MINK1: variants seen among roughly 807,000 people sequenced by gnomAD.
MINK1 encodes misshapen-like kinase 1.
In MINK1, 46 loss-of-function variants were observed where a neutral mutation model predicts 178.4. The ratio of observed to expected loss-of-function variants is 0.26; its 90% CI spans 0.20 to 0.33. MINK1 has a LOEUF of 0.33. Among genes scored for constraint, MINK1 ranks in the 10% least tolerant of loss-of-function variants. The pLI is 1.00. For missense variants in MINK1, 1,366 were observed against 1,814.9 expected (o/e 0.75, Z 4.49); for synonymous variants, 797 against 709.7 (o/e 1.12, Z -1.96).
chr17:4,851,277 G>C (rs1466487642), intron 1 of MINK1, among the ~76,000 whole-genome samples: 1 of 152,158 alleles, frequency 6.6e-6, no homozygotes, highest in African/African-American at 2.4e-5. Context: ...GGCCTGGGTA[G>C]ATAAGGAAAA....
At chr17:4,834,422 G>A (rs73341639) in intron 1 of MINK1, among the ~76,000 whole-genome samples, 2,358 of 152,276 alleles carry the variant, frequency 0.015, 62 homozygotes, top group African/African-American at 0.053. Flanking sequence ...CATGCTACAT[G>A]TGGTCAGGCT....
chr17:4,890,402 G>C (rs1280438367), intron 13 of MINK1, 115 bp from the exon 14 acceptor site: 7 of 1,466,538 alleles, frequency 4.8e-6, no homozygotes, highest in Non-Finnish European at 5.4e-6. Flanking sequence ...GATTCACCCA[G>C]GACATCAAGG....
At chr17:4,843,805 A>G (rs1264935942) in intron 1 of MINK1, among the ~76,000 whole-genome samples, 1 of 152,120 alleles carries the variant, frequency 6.6e-6, no homozygotes, top group Non-Finnish European at 1.5e-5. Flanking sequence ...CTGAGGTTGG[A>G]CAGCCAGTAA....
intron 1 of MINK1, among the ~76,000 whole-genome samples, chr17:4,862,669 AAAATT>A (rs1914355235): frequency 6.6e-6 from 1 of 151,624 alleles, no homozygotes; most frequent in Non-Finnish European, 1.5e-5. Flanking sequence ...AAAAAAAAGA[AAAATT>A]AGTTGGTGTG....
chr17:4,837,852 G>A (rs1051509081), intron 1 of MINK1, among the ~76,000 whole-genome samples: 5 of 152,190 alleles, frequency 3.3e-5, no homozygotes, highest in South Asian at 2.1e-4. Context: ...CTTGTTGCTC[G>A]GTGGTAGCTG....
chr17:4,896,618 T>C lies in MINK1; in HGVS notation c.3775+30T>C. Reference sequence around the variant, plus strand: ...GTGAGCTGCCGCCCTCCCAGCCACATGCCCCGAGGTGGCCCCGGGGTGCAG... The same window carrying C: ...GTGAGCTGCCGCCCTCCCAGCCACACGCCCCGAGGTGGCCCCGGGGTGCAG... On this transcript the variant is annotated intron_variant, in intron 30 of 31. Transcript: ENST00000355280. The surrounding 1 kb of genome is among the most constrained non-coding windows in gnomAD (Gnocchi z 4.6). 6.2e-7 allele frequency: 1 copy of C among 1,612,524 alleles called. No homozygotes were observed. The highest frequency in any genetic ancestry group is 8.5e-7 in the Non-Finnish European group (1 of 1,178,952).
At position 4,833,765 on chromosome 17, in the gene MINK1, C is replaced by T; in HGVS notation, c.57+125C>T. ...CACCAGCTTGGGTCCCCTTGGCGAC[C>T]CGTGCCCCTTTCCCGGACTCCCGCC... On this transcript the variant is annotated intron_variant, in intron 1 of 31. Coordinates refer to ENST00000355280, the MANE Select transcript of MINK1 (RefSeq NM_153827.5). The surrounding 1 kb of genome is among the most constrained non-coding windows in gnomAD (Gnocchi z 4.8). 4.1e-6 allele frequency: 3 copies of T among 735,106 alleles called. No homozygotes were observed. Among genetic ancestry groups the T allele is most frequent in the Non-Finnish European group, 6.1e-6 (3 of 491,600 alleles). The allele number at this position is 735,106 out of a possible 1,614,324, so 45.5% of individuals were successfully genotyped here.
intron 1 of MINK1, among the ~76,000 whole-genome samples, chr17:4,857,632 A>G (rs1913415549): frequency 1.3e-5 from 2 of 151,620 alleles, no homozygotes; most frequent in Admixed American, 6.6e-5. Flanking sequence ...ATGCCCAGCT[A>G]ATTTTTTGTA....
chr17:4,883,120 C>CA (rs778705532), intron 4 of MINK1: 387 of 101,710 alleles, frequency 3.8e-3, no homozygotes, highest in Middle Eastern at 5.7e-3. Context: ...GACCCTGTCT[C>CA]AAAAAAAAAA....
chr17:4,896,932 G>C lies in MINK1; in HGVS notation c.3915+119G>C, dbSNP rs181160156. ...GCTTCCTGAAAGCGGGCCCCTCTGGGAGCTCAGAGGGCAGTCAGCCACTAC... is the reference window on the plus strand; with the variant it reads ...GCTTCCTGAAAGCGGGCCCCTCTGGCAGCTCAGAGGGCAGTCAGCCACTAC... On this transcript the variant is annotated intron_variant, in intron 31 of 31. Transcript: ENST00000355280. The surrounding 1 kb of genome is among the most constrained non-coding windows in gnomAD (Gnocchi z 4.6). The C allele has an allele frequency of 1.1e-5, 15 of 1,339,572 alleles. No individual in the cohort carries two copies. In the African/African-American group the frequency reaches 2.2e-4, roughly 20 times the overall value. The allele number at this position is 1,339,572 out of a possible 1,614,324, so 83.0% of individuals were successfully genotyped here.
At chr17:4,854,320 T>G (rs938343033) in intron 1 of MINK1, among the ~76,000 whole-genome samples, 2 of 152,130 alleles carry the variant, frequency 1.3e-5, no homozygotes, top group African/African-American at 4.8e-5. Flanking sequence ...CCTCCATCTG[T>G]GAAGACCTCC....
At chr17:4,838,026 G>A (rs1597365320) in intron 1 of MINK1, among the ~76,000 whole-genome samples, 2 of 152,166 alleles carry the variant, frequency 1.3e-5, no homozygotes, top group Non-Finnish European at 2.9e-5. Flanking sequence ...ACGTGGGACT[G>A]CCTCTGTGTT....
At chr17:4,897,052 T>C in intron 31 of MINK1, 152 bp from the exon 32 acceptor site, 1 of 866,458 alleles carries the variant, frequency 1.2e-6, no homozygotes, top group Middle Eastern at 2.3e-4. Context: ...CAGCCTGCCT[T>C]TCCTCCGGGT....
intron 20 of MINK1, 96 bp from the exon 21 acceptor site, chr17:4,893,338 C>T: frequency 1.2e-6 from 2 of 1,613,372 alleles, no homozygotes; most frequent in Non-Finnish European, 1.7e-6. Flanking sequence ...CTTGTGGGAG[C>T]CCCTCCTGTC....
At chr17:4,891,865 G>C in intron 16 of MINK1, 149 bp downstream of exon 16, 2 of 1,187,894 alleles carry the variant, frequency 1.7e-6, no homozygotes, top group Non-Finnish European at 2.3e-6. Flanking sequence ...CAGCCGTCCA[G>C]CTGAGGACGC....
chr17:4,839,050 TCTC>T (rs1236356471), intron 1 of MINK1, among the ~76,000 whole-genome samples: 6 of 152,054 alleles, frequency 3.9e-5, no homozygotes, highest in Non-Finnish European at 8.8e-5. Flanking sequence ...TTCACGCCAT[TCTC>T]CTGCTTCAGC....
chr17:4,891,367 C>A, intron 15 of MINK1, 89 bp from the exon 16 acceptor site: 1 of 1,464,912 alleles, frequency 6.8e-7, no homozygotes, highest in Admixed American at 2.6e-5. Flanking sequence ...GAAGGGGCAG[C>A]TAAAGTCCTT....
At chr17:4,873,020 C>T (rs1281477153) in intron 1 of MINK1, among the ~76,000 whole-genome samples, 1 of 152,180 alleles carries the variant, frequency 6.6e-6, no homozygotes, top group East Asian at 1.9e-4. Flanking sequence ...CGGCAGTTCC[C>T]AGTGGTTTCC....
intron 21 of MINK1, 98 bp from the exon 22 acceptor site, chr17:4,893,890 T>C (rs1318960552): frequency 1.5e-5 from 16 of 1,063,704 alleles, no homozygotes; most frequent in Non-Finnish European, 2.0e-5. Context: ...GTGTTTTGAA[T>C]AGAGACAAAA....
Sources: allele counts gnomAD v4.1 joint callset (sites outside exome capture counted in the v4.1 genomes callset), GRCh38; gene constraint gnomAD v4.1.1; non-coding constraint Gnocchi (gnomAD v3.1); transcripts MANE v1.5; gene names NCBI Gene and HGNC (gene_info 2026-07-23, HGNC 2026-07-21).